COL6A6: variants seen among roughly 807,000 people sequenced by gnomAD.
COL6A6 encodes the protein collagen alpha-6(VI) chain.
In COL6A6, 183 loss-of-function variants were observed where a neutral mutation model predicts 208.6. The ratio of observed to expected loss-of-function variants is 0.88; its 90% CI spans 0.78 to 0.99. The LOEUF (loss-of-function observed/expected upper bound fraction) is 0.99. Among genes scored for constraint, COL6A6 ranks in the 50% least tolerant of loss-of-function variants. The pLI is 0.00. For synonymous variants in COL6A6, 973 were observed against 1,011.8 expected, an observed-to-expected ratio of 0.96 and a Z score of 0.73; for missense variants, 2,816 against 2,815.2, an observed-to-expected ratio of 1.00 and a Z score of -0.01.
Position 130,565,234 on chromosome 3 carries a change from C to G in COL6A6, c.902C>G (p.Pro301Arg). 1.9e-6 allele frequency: 3 copies of G among 1,613,964 alleles called. No individual in the cohort carries two copies. The highest frequency in any genetic ancestry group is 2.5e-6 in the Non-Finnish European group (3 of 1,179,890). Residue 301 changes from proline to arginine, a missense_variant, in exon 4 of 37, where the codon CCC becomes CGC. By Grantham distance (103) the Pro-to-Arg change is moderately radical (BLOSUM62 -2). Coordinates refer to ENST00000358511, the MANE Select transcript of COL6A6 (RefSeq NM_001102608.3). The stretch of plus-strand genomic sequence containing the variant: ...CTCCAGCATATACAGAACCTTTCTC[C>G]CCGAACTGGGAAGGCCTATACTGGA... ...EVLQHIQNLS[P>R]RTGKAYTGAA... is the part of the protein sequence containing the mutation.
At chr3:130,623,063 A>G (rs1306253776) in intron 24 of COL6A6, among the ~76,000 whole-genome samples, 1 of 152,156 alleles carries the variant, frequency 6.6e-6, no homozygotes, top group African/African-American at 2.4e-5. Flanking sequence ...TGGTGAATCT[A>G]TTCAGTGGCC....
At chr3:130,566,447 T>A (rs995826488) in intron 4 of COL6A6, among the ~76,000 whole-genome samples, 2 of 152,222 alleles carry the variant, frequency 1.3e-5, no homozygotes, top group Non-Finnish European at 2.9e-5. Context: ...TCAAATTTTT[T>A]AAATCTCCTA....
At chr3:130,641,011 C>T (rs911011574) in intron 28 of COL6A6, among the ~76,000 whole-genome samples, 1 of 152,148 alleles carries the variant, frequency 6.6e-6, no homozygotes, top group Non-Finnish European at 1.5e-5. Context: ...CTTATAATAG[C>T]ATCACCTAAT....
chr3:130,675,315 C>T lies in COL6A6; in HGVS notation c.6710C>T (p.Ala2237Val). 6.3e-7 allele frequency: 1 copy of T among 1,597,990 alleles called. No homozygotes were observed. The highest frequency in any genetic ancestry group is 8.5e-7 in the Non-Finnish European group (1 of 1,171,424). Residue 2237 changes from alanine to valine, a missense_variant, in exon 37 of 37, where the codon GCT (alanine) becomes GTT (valine). Coordinates refer to ENST00000358511, the MANE Select transcript of COL6A6 (RefSeq NM_001102608.3). Reference sequence around the variant, plus strand: ...GTAGCAAGAAGTGGCAGAGATGATGCTATTCAAAATTTTATGAGAAGCACC... The same window carrying T: ...GTAGCAAGAAGTGGCAGAGATGATGTTATTCAAAATTTTATGAGAAGCACC... ...SRVARSGRDD[A>V]IQNFMRSTSH...
rs747485943 is a variant in COL6A6 at position 130,610,716 on chromosome 3, G to T, written c.4815+5G>T. On this transcript the variant is annotated splice_donor_5th_base_variant and intron_variant, in intron 23 of 36. Coordinates refer to ENST00000358511, the MANE Select transcript of COL6A6 (RefSeq NM_001102608.3). Reference sequence around the variant, plus strand: ...GTGGGAAGTAAAGGTCCCCAGGTATGTAATGAGAAAAATGATTGCATCTGA... The same window carrying T: ...GTGGGAAGTAAAGGTCCCCAGGTATTTAATGAGAAAAATGATTGCATCTGA... The T allele has an allele frequency of 6.4e-7, 1 of 1,572,316 alleles. No individual in the cohort carries two copies. The highest frequency in any genetic ancestry group is 8.6e-7 in the Non-Finnish European group (1 of 1,156,304).
At chr3:130,566,217 A>T (rs2063019993) in intron 4 of COL6A6, among the ~76,000 whole-genome samples, 1 of 152,134 alleles carries the variant, frequency 6.6e-6, no homozygotes, top group Non-Finnish European at 1.5e-5. Flanking sequence ...TTTATAGCAT[A>T]TTTACTACAA....
At chr3:130,561,669 G>A (rs1220917572) in intron 2 of COL6A6, among the ~76,000 whole-genome samples, 4 of 112,824 alleles carry the variant, frequency 3.5e-5, no homozygotes, top group Admixed American at 1.3e-4. Context: ...TTTTTGAGAC[G>A]GAGTCTCGCT....
chr3:130,656,172 C>T (rs1460658566), intron 33 of COL6A6, among the ~76,000 whole-genome samples: 2 of 152,254 alleles, frequency 1.3e-5, no homozygotes, highest in African/African-American at 4.8e-5. Flanking sequence ...ACCTTGTTGT[C>T]ACCCACAACG....
chr3:130,522,628 T>C (rs995496061), intron 1 of COL6A6, among the ~76,000 whole-genome samples: 10 of 152,234 alleles, frequency 6.6e-5, no homozygotes, highest in Middle Eastern at 3.4e-3. Flanking sequence ...TGAAGATTTG[T>C]TTGCACCACA....
chr3:130,609,081 C>G, intron 22 of COL6A6, 117 bp downstream of exon 22: 1 of 743,130 alleles, frequency 1.3e-6, no homozygotes, highest in Non-Finnish European at 2.3e-6. Flanking sequence ...GTTTAAAGTT[C>G]TCATGGTAAT....
chr3:130,604,386 T>G (rs2064116262), intron 20 of COL6A6, among the ~76,000 whole-genome samples: 1 of 151,662 alleles, frequency 6.6e-6, no homozygotes, highest in Non-Finnish European at 1.5e-5. Context: ...TCCCAGCTAC[T>G]CGGGAGGCTG....
At chr3:130,532,873 G>A (rs1189491017) in intron 1 of COL6A6, among the ~76,000 whole-genome samples, 1 of 152,086 alleles carries the variant, frequency 6.6e-6, no homozygotes, top group Non-Finnish European at 1.5e-5. Flanking sequence ...TCATCTGGGA[G>A]CTGGTTAGGC....
chr3:130,564,944 G>C lies in COL6A6; in HGVS notation c.662-50G>C. The stretch of plus-strand genomic sequence containing the variant: ...TTCATGCCTTCTAATGCTCACCAAA[G>C]ATGCTGAACCACCAGCTAAAATTGT... On this transcript the variant is annotated intron_variant, in intron 3 of 36. Coordinates refer to ENST00000358511, the MANE Select transcript of COL6A6 (RefSeq NM_001102608.3). 1.9e-6 allele frequency: 3 copies of C among 1,583,992 alleles called. No individual in the cohort carries two copies. In the African/African-American group the frequency reaches 4.0e-5, roughly 21 times the overall value.
At chr3:130,655,915 C>G (rs910832159) in intron 33 of COL6A6, among the ~76,000 whole-genome samples, 1 of 152,210 alleles carries the variant, frequency 6.6e-6, no homozygotes, top group African/African-American at 2.4e-5. Context: ...AGGCATGGAG[C>G]AGCGAGGGGT....
chr3:130,609,687 A>T (rs1426743391), intron 22 of COL6A6, among the ~76,000 whole-genome samples: 1 of 152,206 alleles, frequency 6.6e-6, no homozygotes, highest in Non-Finnish European at 1.5e-5. Flanking sequence ...AGCTTGAGGA[A>T]TAAGTGTTCT....
In COL6A6 at chr3:130,653,424, ATT is replaced by A. The variant is rs2065701269; in HGVS notation, c.5733+3864_5733+3865del. ...CCTTTTTATTTTGAAGATAATTTTT[ATT>A]TGTTTATATATAATTGTCTAGAAGA... is the stretch of plus-strand genomic sequence containing the variant. On this transcript the variant is annotated intron_variant, in intron 33 of 36. Transcript: ENST00000358511. 2.6e-5 allele frequency among the ~76,000 whole-genome samples: 4 copies of A among 152,154 alleles called. No homozygotes were observed. In the South Asian group the frequency reaches 8.3e-4, roughly 32 times the overall value.
chr3:130,647,301 AT>A (rs1157193133), intron 32 of COL6A6, among the ~76,000 whole-genome samples: 3 of 151,240 alleles, frequency 2.0e-5, no homozygotes, highest in Non-Finnish European at 4.4e-5. Flanking sequence ...AAAAACTTGA[AT>A]TTTTTTTTCA....
At chr3:130,543,676 T>C (rs896364153) in intron 1 of COL6A6, among the ~76,000 whole-genome samples, 1 of 152,240 alleles carries the variant, frequency 6.6e-6, no homozygotes, top group Admixed American at 6.5e-5. Flanking sequence ...CTGTCATTCA[T>C]TTCACACATA....
chr3:130,560,424 T>C lies in COL6A6; in HGVS notation c.60T>C (p.Asp20=), dbSNP rs1474022301. The change falls in exon 2 of 37, where the codon GAT becomes GAC. Residue 20 remains aspartate, a synonymous_variant. Coordinates refer to ENST00000358511, the MANE Select transcript of COL6A6 (RefSeq NM_001102608.3). ...GTTCCCATATTTCTGTGAACCAAGA[T>C]TCCGGTAAGGAAAAACTGGAAAGAA... ...IICSHISVNQ[D]SGPEYADVVF... The C allele has an allele frequency of 1.9e-6, 3 of 1,610,694 alleles. No individual in the cohort carries two copies. Among genetic ancestry groups the C allele is most frequent in the Non-Finnish European group, 2.5e-6 (3 of 1,178,114 alleles).
Sources: gnomAD v4.1 joint callset for allele counts (sites outside exome capture counted in the v4.1 genomes callset) on GRCh38, gnomAD v4.1.1 for gene constraint, MANE v1.5 for transcripts, NCBI Gene and HGNC (gene_info 2026-07-23, HGNC 2026-07-21) for gene names.